The following PAQR5 variants were observed in gnomAD, a reference collection of about 807,000 sequenced individuals.
PAQR5 encodes the protein membrane progestin receptor gamma.
PAQR5 carries 20 observed loss-of-function variants against 34.5 expected under a neutral mutation model. The observed-to-expected ratio is 0.58, with a 90% CI of 0.41 to 0.84. The LOEUF (loss-of-function observed/expected upper bound fraction) is 0.84. PAQR5 is among the 40% of genes least tolerant of loss of function. The pLI is 0.00. For synonymous variants in PAQR5, 131 were observed against 155.6 expected, an observed-to-expected ratio of 0.84 and a Z score of 1.18; for missense variants, 378 against 412.7, an observed-to-expected ratio of 0.92 and a Z score of 0.73.
intron 5 of PAQR5, among the ~76,000 whole-genome samples, chr15:69,387,514 T>C (rs2056145340): frequency 6.6e-6 from 1 of 152,272 alleles, no homozygotes; most frequent in Admixed American, 6.5e-5. Context: ...GCTCAGAGCC[T>C]GGCCTTAGTC....
intron 3 of PAQR5, among the ~76,000 whole-genome samples, chr15:69,365,859 C>T (rs58963854): frequency 0.025 from 3,732 of 152,300 alleles, 155 homozygotes; most frequent in African/African-American, 0.085. Flanking sequence ...TTTTAGTCTA[C>T]GTGAATGGCA....
intron 1 of PAQR5, among the ~76,000 whole-genome samples, chr15:69,303,808 TGCTCAGCAC>T (rs1163571167): frequency 6.6e-6 from 1 of 152,200 alleles, no homozygotes; most frequent in East Asian, 1.9e-4. Flanking sequence ...GAGGCCACAG[TGCTCAGCAC>T]GCCCCCCACA....
At chr15:69,317,658 AG>A (rs1172729659) in intron 1 of PAQR5, among the ~76,000 whole-genome samples, 1 of 152,170 alleles carries the variant, frequency 6.6e-6, no homozygotes, top group Non-Finnish European at 1.5e-5. Flanking sequence ...TTGCTAGAAA[AG>A]CTTCCCACAA....
intron 1 of PAQR5, among the ~76,000 whole-genome samples, chr15:69,335,102 T>C (rs1205378567): frequency 6.6e-6 from 1 of 151,568 alleles, no homozygotes; most frequent in Non-Finnish European, 1.5e-5. Flanking sequence ...CAGGTGCCTG[T>C]AATCCCAGCT....
At chr15:69,353,420 A>G (rs767502065) in intron 2 of PAQR5, among the ~76,000 whole-genome samples, 5 of 152,224 alleles carry the variant, frequency 3.3e-5, no homozygotes, top group Non-Finnish European at 7.3e-5. Context: ...ATTGCTTTTG[A>G]CAAAGAAACT....
At chr15:69,316,855 C>G (rs549839675) in intron 1 of PAQR5, among the ~76,000 whole-genome samples, 1 of 152,302 alleles carries the variant, frequency 6.6e-6, no homozygotes, top group South Asian at 2.1e-4. Context: ...GAGTCTTGCT[C>G]TGTCCCCCAG....
chr15:69,380,177 T>A, intron 4 of PAQR5, 167 bp downstream of exon 4: 1 of 707,774 alleles, frequency 1.4e-6, no homozygotes, highest in Non-Finnish European at 2.4e-6. Context: ...GAAGAGACAT[T>A]GGGTGTGCCA....
At chr15:69,403,198 T>C (rs2056688876) in intron 8 of PAQR5, among the ~76,000 whole-genome samples, 1 of 152,258 alleles carries the variant, frequency 6.6e-6, no homozygotes, top group Non-Finnish European at 1.5e-5. Context: ...TTTGGTTTTC[T>C]CTGATGGGCC....
chr15:69,331,436 G>A (rs1191394582), intron 1 of PAQR5, among the ~76,000 whole-genome samples: 1 of 152,160 alleles, frequency 6.6e-6, no homozygotes, highest in Admixed American at 6.5e-5. Flanking sequence ...GGATACTCTT[G>A]GAGTTCTTGG....
intron 3 of PAQR5, among the ~76,000 whole-genome samples, chr15:69,369,176 C>T (rs183896821): frequency 1.7e-4 from 26 of 152,168 alleles, no homozygotes; most frequent in African/African-American, 5.8e-4. Flanking sequence ...CTATCTCTGC[C>T]GTCTACTGTT....
At chr15:69,308,977 C>T (rs1459790552) in intron 1 of PAQR5, among the ~76,000 whole-genome samples, 1 of 152,114 alleles carries the variant, frequency 6.6e-6, no homozygotes, top group Non-Finnish European at 1.5e-5. Context: ...AGGAAATCCC[C>T]CAGGTGCAGA....
rs71149903 is a variant in PAQR5, at chr15:69,301,859, A to ATT, written c.-277+2839_-277+2840dup. ...GTGAATTCATAAGAAATGGGGGGAG[A>ATT]TTTTTTTTTTTTTTTTTTTTTTTTT... is the stretch of plus-strand genomic sequence containing the variant. On this transcript the variant is annotated intron_variant, in intron 1 of 8. Coordinates refer to ENST00000395407, the MANE Select transcript of PAQR5 (RefSeq NM_017705.4). Among the ~76,000 whole-genome samples, 171 of 98,836 alleles carry ATT rather than the reference A, an allele frequency of 1.7e-3. 15 individuals carry two copies. Among genetic ancestry groups the ATT allele is most frequent in the African/African-American group, 6.7e-3 (116 of 17,276 alleles). 64.8% of individuals were successfully genotyped at this position (98,836 alleles called of 152,430 possible). A position where few individuals can be genotyped will look rare whatever the true frequency, so the allele number is the denominator to read the frequency against.
At chr15:69,352,184 T>C (rs2054936857) in intron 2 of PAQR5, among the ~76,000 whole-genome samples, 1 of 152,172 alleles carries the variant, frequency 6.6e-6, no homozygotes, top group Admixed American at 6.5e-5. Context: ...AGAGGGCCTT[T>C]TGGAGCAAGG....
chr15:69,374,975 C>T (rs2055666492), intron 3 of PAQR5, among the ~76,000 whole-genome samples: 1 of 152,156 alleles, frequency 6.6e-6, no homozygotes, highest in Admixed American at 6.5e-5. Context: ...TGCAGACTCT[C>T]GCCCCAGCCA....
chr15:69,363,772 T>G (rs926628837), intron 3 of PAQR5, among the ~76,000 whole-genome samples: 7 of 152,110 alleles, frequency 4.6e-5, no homozygotes, highest in African/African-American at 1.7e-4. Context: ...AGGCTGGGTC[T>G]CGAACTCCTG....
chr15:69,334,575 T>C (rs1330154090), intron 1 of PAQR5, among the ~76,000 whole-genome samples: 1 of 152,190 alleles, frequency 6.6e-6, no homozygotes, highest in Non-Finnish European at 1.5e-5. Context: ...CATTTCTGAT[T>C]GATGTCCTAG....
chr15:69,402,598 G>T (rs187359215), intron 8 of PAQR5, among the ~76,000 whole-genome samples: 2 of 152,184 alleles, frequency 1.3e-5, no homozygotes, highest in African/African-American at 4.8e-5. Flanking sequence ...TTACAGGCGT[G>T]AACCACCGCG....
Position 69,379,909 on chromosome 15 carries a change from C to A in PAQR5, c.78C>A (p.Phe26Leu), listed in dbSNP as rs367787380. ...PQVFHEQGIL[F>L]GYRHPQSSAT... The stretch of plus-strand genomic sequence containing the variant: ...TGTTCCATGAGCAAGGCATCCTGTT[C>A]GGCTACCGCCATCCACAGAGTTCTG... The change falls in exon 4 of 9, where the codon TTC becomes TTA. Residue 26 changes from phenylalanine (F) to leucine (L), a missense_variant. Coordinates refer to ENST00000395407, the MANE Select transcript of PAQR5 (RefSeq NM_017705.4). 4 of 1,613,958 alleles carry A rather than the reference C, an allele frequency of 2.5e-6. No individual in the cohort carries two copies. The African/African-American group carries it at 5.3e-5, about 22-fold the overall frequency.
At position 69,405,144 on chromosome 15, in the gene PAQR5, A is replaced by T. The variant is rs2056735685; in HGVS notation, c.*1322A>T. 1 of 396,108 alleles carries T rather than the reference A, an allele frequency of 2.5e-6. No individual in the cohort carries two copies. Among genetic ancestry groups the T allele is most frequent in the Admixed American group, 4.4e-5 (1 of 22,672 alleles). 24.5% of individuals were successfully genotyped at this position (396,108 alleles called of 1,614,324 possible). ...ATTACTGATTAAAGTTCAGTATTTC[A>T]TGGTGTTTTCAGGGAACACAGAAAT... On this transcript the variant is annotated 3_prime_UTR_variant, in exon 9 of 9. Coordinates refer to ENST00000395407, the MANE Select transcript of PAQR5 (RefSeq NM_017705.4).
Sources: gnomAD v4.1 joint callset for allele counts (sites outside exome capture counted in the v4.1 genomes callset) on GRCh38, gnomAD v4.1.1 for gene constraint, MANE v1.5 for transcripts, NCBI Gene and HGNC (gene_info 2026-07-23, HGNC 2026-07-21) for gene names.